DUSP22: variants seen among roughly 807,000 people sequenced by gnomAD.
DUSP22 encodes dual specificity phosphatase 22, also known as dual specificity protein phosphatase 22.
Under a neutral mutation model 24.5 loss-of-function variants are expected in DUSP22, and 24 were observed. That is an observed-to-expected ratio of 0.98 (90% CI 0.71 to 1.38). The LOEUF (loss-of-function observed/expected upper bound fraction) is 1.38. DUSP22 is among the 40% of genes most tolerant of loss of function. DUSP22 has a pLI of 0.00. For missense variants in DUSP22, 330 were observed against 269.2 expected (o/e 1.23, Z -1.58); for synonymous variants, 160 against 106.4 (o/e 1.50, Z -3.10).
chr6:314,127 T>C (rs1758230063), intron 3 of DUSP22, among the ~76,000 whole-genome samples: 2 of 152,286 alleles, frequency 1.3e-5, no homozygotes, highest in South Asian at 2.1e-4. Flanking sequence ...GGGCAGGGAA[T>C]GAAGGTGAGC....
At chr6:341,554 A>G (rs1472260411) in intron 4 of DUSP22, among the ~76,000 whole-genome samples, 1 of 152,308 alleles carries the variant, frequency 6.6e-6, no homozygotes, top group Non-Finnish European at 1.5e-5. Flanking sequence ...ATTTCTAGGA[A>G]TATCTCTCTG....
intron 3 of DUSP22, among the ~76,000 whole-genome samples, chr6:333,863 T>C (rs1170908818): frequency 1.3e-5 from 2 of 152,422 alleles, no homozygotes; most frequent in East Asian, 1.9e-4. Context: ...GAGTCCCTAA[T>C]CGCGAGGGAG....
chr6:342,981 C>CCCAG (rs1435389818), intron 4 of DUSP22, among the ~76,000 whole-genome samples: 1 of 152,308 alleles, frequency 6.6e-6, no homozygotes, highest in Non-Finnish European at 1.5e-5. Context: ...CAGCTGGCTA[C>CCCAG]CCAGCTCTTT....
rs755066347 is a variant in DUSP22 at position 345,930 on chromosome 6, T to TA, written c.263+3dup. 9.9e-6 allele frequency: 16 copies of TA among 1,614,086 alleles called. No individual in the cohort carries two copies. Among genetic ancestry groups the TA allele is most frequent in the Non-Finnish European group, 1.4e-5 (16 of 1,180,000 alleles). ...CGGTGAGAGCTGCCTTGTACACTGGTACGTGTGTCTCTTGCTTAATAGCGC... is the reference window on the plus strand; with the variant it reads ...CGGTGAGAGCTGCCTTGTACACTGGTAACGTGTGTCTCTTGCTTAATAGCGC... On this transcript the variant is annotated splice_region_variant and intron_variant, in intron 5 of 6. Coordinates refer to ENST00000419235, the MANE Select transcript of DUSP22 (RefSeq NM_001286555.3).
chr6:323,485 G>A (rs1758704772), intron 3 of DUSP22, among the ~76,000 whole-genome samples: 1 of 152,306 alleles, frequency 6.6e-6, no homozygotes, highest in South Asian at 2.1e-4. Context: ...CTGAGTTAGA[G>A]CTTCTTTCTC....
chr6:337,834 A>T (rs1237813092), intron 4 of DUSP22, among the ~76,000 whole-genome samples: 1 of 152,308 alleles, frequency 6.6e-6, no homozygotes, highest in Non-Finnish European at 1.5e-5. Flanking sequence ...TGTTAAGTTT[A>T]TGGTTTGCTT....
intron 1 of DUSP22, among the ~76,000 whole-genome samples, chr6:293,935 C>T (rs1360842899): frequency 1.3e-5 from 2 of 151,162 alleles, no homozygotes; most frequent in African/African-American, 4.8e-5. Flanking sequence ...TAAATTAAAA[C>T]AGAACAATAA....
At chr6:304,030 C>G (rs1159925671) in intron 1 of DUSP22, among the ~76,000 whole-genome samples, 2 of 152,302 alleles carry the variant, frequency 1.3e-5, no homozygotes, top group Non-Finnish European at 2.9e-5. Context: ...CCATTGTTGA[C>G]TGTCATCCTG....
chr6:315,715 C>T (rs1274645246), intron 3 of DUSP22, among the ~76,000 whole-genome samples: 5 of 152,426 alleles, frequency 3.3e-5, no homozygotes, highest in South Asian at 4.1e-4. Context: ...CTTCACACAT[C>T]CCGTCCCTTT....
intron 2 of DUSP22, among the ~76,000 whole-genome samples, chr6:306,618 C>G (rs1443223742): frequency 1.3e-5 from 2 of 152,310 alleles, no homozygotes; most frequent in Non-Finnish European, 2.9e-5. Context: ...TAAACGCTTT[C>G]CAGGTACAAG....
chr6:317,501 G>T (rs1409312859), intron 3 of DUSP22, among the ~76,000 whole-genome samples: 1 of 152,298 alleles, frequency 6.6e-6, no homozygotes. Flanking sequence ...CTCAGCCCCA[G>T]CTCTCCTTCC....
intron 2 of DUSP22, 50 bp from the exon 3 acceptor site, chr6:311,830 A>G: frequency 6.4e-7 from 1 of 1,565,490 alleles, no homozygotes; most frequent in Non-Finnish European, 8.7e-7. Context: ...CTTTAGGAGT[A>G]ATTAACTTGC....
chr6:320,275 G>A (rs2127403222), intron 3 of DUSP22: 1 of 152,868 alleles, frequency 6.5e-6, no homozygotes, highest in African/African-American at 2.4e-5. Flanking sequence ...ACTTTTGCAG[G>A]ACACTCTTCC....
intron 4 of DUSP22, among the ~76,000 whole-genome samples, chr6:344,380 G>A (rs1452290140): frequency 6.6e-6 from 1 of 152,294 alleles, no homozygotes; most frequent in Non-Finnish European, 1.5e-5. Context: ...TAACCTCCTG[G>A]GCTCAAGAGA....
At chr6:336,380 C>T (rs4959738) in intron 4 of DUSP22, among the ~76,000 whole-genome samples, 9,701 of 149,048 alleles carry the variant, frequency 0.065, no homozygotes, top group Non-Finnish European at 0.1. Context: ...CACTGGTGCA[C>T]GCACACCCTA....
chr6:328,915 G>A (rs1047934492), intron 3 of DUSP22, among the ~76,000 whole-genome samples: 1 of 152,306 alleles, frequency 6.6e-6, no homozygotes, highest in Non-Finnish European at 1.5e-5. Context: ...TTTTCCAGGT[G>A]TAATCTTCCT....
chr6:321,624 A>G (rs545811433), intron 3 of DUSP22, among the ~76,000 whole-genome samples: 118 of 152,362 alleles, frequency 7.7e-4, no homozygotes, highest in African/African-American at 2.8e-3. Context: ...TTCTCTAGCA[A>G]GAATCAAGCA....
intron 4 of DUSP22, among the ~76,000 whole-genome samples, chr6:338,612 A>G (rs1256155126): frequency 6.6e-6 from 1 of 152,428 alleles, no homozygotes; most frequent in East Asian, 1.9e-4. Context: ...GTTCTGCAGG[A>G]CCTAAACAAT....
intron 3 of DUSP22, among the ~76,000 whole-genome samples, chr6:333,512 T>C (rs1759227947): frequency 6.6e-6 from 1 of 152,306 alleles, no homozygotes; most frequent in African/African-American, 2.4e-5. Flanking sequence ...CTCATCATTG[T>C]GGATGAGGCA....
Sources: allele counts gnomAD v4.1 joint callset (sites outside exome capture counted in the v4.1 genomes callset), GRCh38; gene constraint gnomAD v4.1.1; transcripts MANE v1.5; gene names NCBI Gene and HGNC (gene_info 2026-07-23, HGNC 2026-07-21).